EPHA7: variants seen among roughly 807,000 people sequenced by gnomAD.
The protein encoded by EPHA7 is ephrin type-A receptor 7.
A neutral mutation model predicts 112.6 loss-of-function variants in EPHA7; 25 were observed. The observed-to-expected ratio is 0.22, with a 90% CI of 0.16 to 0.31. EPHA7 has a LOEUF of 0.31. Ranked by LOEUF, EPHA7 falls within the 10% of genes least tolerant of loss-of-function variation. EPHA7 has a pLI of 1.00. For synonymous variants in EPHA7, 437 were observed against 406.5 expected (o/e 1.07, Z -0.90); for missense variants, 962 against 1,212.6 (o/e 0.79, Z 3.07).
chr6:93,359,866 G>T (rs1416636369), intron 3 of EPHA7, among the ~76,000 whole-genome samples: 32 of 123,066 alleles, frequency 2.6e-4, no homozygotes, highest in East Asian at 2.4e-3. Context: ...GAGAGAGAGA[G>T]AGAGAGAGAG....
chr6:93,293,499 A>G (rs973967780), intron 5 of EPHA7, among the ~76,000 whole-genome samples: 1 of 152,166 alleles, frequency 6.6e-6, no homozygotes, highest in African/African-American at 2.4e-5. Flanking sequence ...CAAGATCATC[A>G]TTATGGAATC....
chr6:93,352,652 G>T lies in EPHA7; in HGVS notation c.1324+4065C>A, dbSNP rs577166736. Among the ~76,000 whole-genome samples, 33 of 152,108 alleles carry T rather than the reference G, an allele frequency of 2.2e-4. 1 individual carries two copies. The South Asian group carries it at 6.6e-3, about 31-fold the overall frequency. Reference sequence around the variant, plus strand: ...TCCTATCCTTAGCATCCCCCATAGTGCTTGACATGCACTAGGTACTTAGTG... The same window carrying T: ...TCCTATCCTTAGCATCCCCCATAGTTCTTGACATGCACTAGGTACTTAGTG... On this transcript the variant is annotated intron_variant, in intron 5 of 16. Coordinates refer to ENST00000369303, the MANE Select transcript of EPHA7 (RefSeq NM_004440.4).
intron 3 of EPHA7, among the ~76,000 whole-genome samples, chr6:93,370,627 A>G (rs533860065): frequency 1.3e-5 from 2 of 152,280 alleles, no homozygotes; most frequent in South Asian, 4.1e-4. Flanking sequence ...TTTTATTATG[A>G]GCATAAATAC....
Position 93,257,447 on chromosome 6 carries a change from C to A in EPHA7, c.2172+15G>T, listed in dbSNP as rs1329764332. The A allele has an allele frequency of 6.3e-7, 1 of 1,586,356 alleles. No homozygotes were observed. Among genetic ancestry groups the A allele is most frequent in the Admixed American group, 1.7e-5 (1 of 57,768 alleles). The stretch of plus-strand genomic sequence containing the variant: ...CATAGTATATTTAGAATAAGTGGAT[C>A]ACTTTGGTACTTACCCTGAGAAATG... On this transcript the variant is annotated intron_variant, in intron 12 of 16. Transcript: ENST00000369303.
chr6:93,277,245 G>A (rs1771513503), intron 5 of EPHA7, among the ~76,000 whole-genome samples: 1 of 151,834 alleles, frequency 6.6e-6, no homozygotes, highest in Non-Finnish European at 1.5e-5. Flanking sequence ...TTCCCCACAG[G>A]TGTTCATCTT....
chr6:93,269,324 A>G (rs1771095850), intron 7 of EPHA7, among the ~76,000 whole-genome samples, 153 bp downstream of exon 7: 1 of 151,826 alleles, frequency 6.6e-6, no homozygotes, highest in Admixed American at 6.6e-5. Context: ...TTAAATTATT[A>G]TGAACTTTTA....
In EPHA7 at chr6:93,269,633, C is replaced by T; in HGVS notation, c.1477G>A (p.Val493Ile). ...KDQRERTYST[V>I]KTKSTSASIN... is the part of the protein sequence containing the mutation. ...GAGGCTGAAGTAGACTTGGTTTTTA[C>T]TGTTGAGTAGGTCCGTTCCCTTTGA... is the stretch of plus-strand genomic sequence containing the variant. The change falls in exon 7 of 17, where the codon GTA becomes ATA. Residue 493 changes from valine (V) to isoleucine (I), a missense_variant. Coordinates refer to ENST00000369303, the MANE Select transcript of EPHA7 (RefSeq NM_004440.4). 6.3e-7 allele frequency: 1 copy of T among 1,590,592 alleles called. No individual in the cohort carries two copies.
chr6:93,248,696 C>CAAACAAACA (rs146610467), intron 14 of EPHA7, among the ~76,000 whole-genome samples: 1 of 134,980 alleles, frequency 7.4e-6, no homozygotes, highest in South Asian at 2.6e-4. Flanking sequence ...AACAAACAAA[C>CAAACAAACA]AACAACAACA....
intron 5 of EPHA7, among the ~76,000 whole-genome samples, chr6:93,280,303 T>C (rs1035087118): frequency 3.3e-5 from 5 of 152,180 alleles, no homozygotes; most frequent in Non-Finnish European, 4.4e-5. Flanking sequence ...GCCATGCACT[T>C]AAACAGCTTA....
At chr6:93,278,516 A>G (rs956920299) in intron 5 of EPHA7, among the ~76,000 whole-genome samples, 1 of 152,096 alleles carries the variant, frequency 6.6e-6, no homozygotes, top group East Asian at 1.9e-4. Flanking sequence ...CACATTATCT[A>G]TCTTTTCAAT....
At chr6:93,397,448 A>T (rs546606645) in intron 3 of EPHA7, among the ~76,000 whole-genome samples, 2 of 152,046 alleles carry the variant, frequency 1.3e-5, no homozygotes, top group South Asian at 4.1e-4. Context: ...TAATTGATAA[A>T]TATGGTCCTA....
chr6:93,298,127 T>C (rs1436299489), intron 5 of EPHA7, among the ~76,000 whole-genome samples: 2 of 151,970 alleles, frequency 1.3e-5, no homozygotes, highest in Non-Finnish European at 2.9e-5. Context: ...GACCAGAAAG[T>C]CTAGAAACAG....
At chr6:93,330,089 A>G (rs1452230351) in intron 5 of EPHA7, among the ~76,000 whole-genome samples, 1 of 151,356 alleles carries the variant, frequency 6.6e-6, no homozygotes, top group East Asian at 1.9e-4. Flanking sequence ...ACAATGTCAA[A>G]CATAGCAATT....
At chr6:93,369,872 G>C (rs1359917321) in intron 3 of EPHA7, among the ~76,000 whole-genome samples, 1 of 152,160 alleles carries the variant, frequency 6.6e-6, no homozygotes, top group African/African-American at 2.4e-5. Flanking sequence ...TTAATTCACT[G>C]ACACCACTTA....
At chr6:93,275,340 C>T (rs1257063367) in intron 5 of EPHA7, among the ~76,000 whole-genome samples, 3 of 151,870 alleles carry the variant, frequency 2.0e-5, no homozygotes, top group Non-Finnish European at 4.4e-5. Context: ...AAAACAAATA[C>T]TGTATATAAC....
At chr6:93,374,308 G>T (rs1282219236) in intron 3 of EPHA7, among the ~76,000 whole-genome samples, 1 of 152,074 alleles carries the variant, frequency 6.6e-6, no homozygotes, top group African/African-American at 2.4e-5. Flanking sequence ...CTACAGACAA[G>T]AATAGAGATA....
intron 3 of EPHA7, among the ~76,000 whole-genome samples, chr6:93,400,239 A>C (rs1434028263): frequency 1.3e-5 from 2 of 152,114 alleles, no homozygotes; most frequent in Non-Finnish European, 2.9e-5. Context: ...AATGTCATTA[A>C]GTAAGCTAAT....
intron 5 of EPHA7, among the ~76,000 whole-genome samples, chr6:93,345,127 G>A (rs1040829356): frequency 6.6e-6 from 1 of 151,552 alleles, no homozygotes; most frequent in Admixed American, 6.6e-5. Flanking sequence ...ATAGTCTGAC[G>A]TAACTAGAGT....
chr6:93,360,191 A>T (rs1379492338), intron 3 of EPHA7, among the ~76,000 whole-genome samples: 1 of 152,156 alleles, frequency 6.6e-6, no homozygotes, highest in Non-Finnish European at 1.5e-5. Context: ...GTTTCTAAAT[A>T]TATGATCTTG....
Sources: gnomAD v4.1 joint callset for allele counts (sites outside exome capture counted in the v4.1 genomes callset) on GRCh38, gnomAD v4.1.1 for gene constraint, MANE v1.5 for transcripts, NCBI Gene and HGNC (gene_info 2026-07-23, HGNC 2026-07-21) for gene names.